Variants in CTNND2 observed in about 807,000 individuals in gnomAD.
CTNND2 encodes the protein catenin delta-2.
CTNND2 carries 22 observed loss-of-function variants against 144.4 expected under a neutral mutation model. That is an observed-to-expected ratio of 0.15 (90% CI 0.11 to 0.22). The LOEUF is 0.22. Among genes scored for constraint, CTNND2 ranks in the 10% least tolerant of loss-of-function variants. The pLI is 1.00. For synonymous variants in CTNND2, 751 were observed against 695.6 expected, an observed-to-expected ratio of 1.08 and a Z score of -1.25; for missense variants, 1,353 against 1,618.8, an observed-to-expected ratio of 0.84 and a Z score of 2.82.
intron 9 of CTNND2, among the ~76,000 whole-genome samples, chr5:11,240,561 CAA>C (rs1742254363): frequency 8.2e-6 from 1 of 121,710 alleles, no homozygotes; most frequent in African/African-American, 3.1e-5. Context: ...CACACACACT[CAA>C]AACACACACC....
chr5:11,373,621 G>A (rs923986105), intron 7 of CTNND2, among the ~76,000 whole-genome samples: 2 of 152,158 alleles, frequency 1.3e-5, no homozygotes, highest in African/African-American at 2.4e-5. Context: ...GAGGGGCCCA[G>A]GGAATGGAAT....
chr5:11,267,886 T>C (rs1340570361), intron 9 of CTNND2, among the ~76,000 whole-genome samples: 1 of 152,174 alleles, frequency 6.6e-6, no homozygotes, highest in Non-Finnish European at 1.5e-5. Flanking sequence ...GAAGTCATAG[T>C]ATGATGCACA....
At chr5:11,439,586 G>A (rs1256108252) in intron 3 of CTNND2, among the ~76,000 whole-genome samples, 2 of 152,058 alleles carry the variant, frequency 1.3e-5, no homozygotes, top group African/African-American at 4.8e-5. Context: ...AGGCTGGAGT[G>A]CACTGGCACA....
chr5:11,552,926 C>T (rs556196792), intron 3 of CTNND2, among the ~76,000 whole-genome samples: 2 of 152,280 alleles, frequency 1.3e-5, no homozygotes, highest in South Asian at 2.1e-4. Flanking sequence ...AGCTTTTGGA[C>T]TCTCAGCATC....
intron 2 of CTNND2, among the ~76,000 whole-genome samples, chr5:11,714,246 G>A (rs1234778841): frequency 6.6e-6 from 1 of 152,150 alleles, no homozygotes; most frequent in Non-Finnish European, 1.5e-5. Context: ...CGGCCTTCCA[G>A]ACAGAAAAAC....
intron 2 of CTNND2, among the ~76,000 whole-genome samples, chr5:11,674,684 G>A (rs946729571): frequency 2.0e-5 from 3 of 151,550 alleles, no homozygotes; most frequent in African/African-American, 7.3e-5. Context: ...GAGTCAAAAG[G>A]TAAATGCATA....
intron 16 of CTNND2, among the ~76,000 whole-genome samples, chr5:11,059,749 C>G (rs909655045): frequency 5.9e-5 from 9 of 151,860 alleles, no homozygotes; most frequent in African/African-American, 1.9e-4. Context: ...GCATACAGAG[C>G]TACATATAAG....
intron 11 of CTNND2, among the ~76,000 whole-genome samples, chr5:11,169,756 G>A (rs966979874): frequency 3.9e-5 from 6 of 152,098 alleles, no homozygotes; most frequent in Admixed American, 6.5e-5. Context: ...ATTCGTGGAC[G>A]CTTGCTTATC....
chr5:11,623,061 C>A (rs114038471), intron 2 of CTNND2, among the ~76,000 whole-genome samples: 4 of 152,130 alleles, frequency 2.6e-5, no homozygotes, highest in South Asian at 2.1e-4. Flanking sequence ...AACTTAACTA[C>A]GCTGTTGGTC....
At position 11,575,872 on chromosome 5, in the gene CTNND2, A is replaced by G. The variant is rs2150122622; in HGVS notation, c.175-10816T>C. 2.0e-5 allele frequency among the ~76,000 whole-genome samples: 3 copies of G among 152,158 alleles called. No homozygotes were observed. The Middle Eastern group carries it at 0.01, about 518-fold the overall frequency. On this transcript the variant is annotated intron_variant, in intron 2 of 21. Coordinates refer to ENST00000304623, the MANE Select transcript of CTNND2 (RefSeq NM_001332.4). Reference sequence around the variant, plus strand: ...CCTTGTGATTCTTATACTTTCTCTGAACAAGCTCATCCATTCCGAAAGCCT... The same window carrying G: ...CCTTGTGATTCTTATACTTTCTCTGGACAAGCTCATCCATTCCGAAAGCCT...
At chr5:11,022,028 C>T (rs902070960) in intron 17 of CTNND2, among the ~76,000 whole-genome samples, 1 of 152,110 alleles carries the variant, frequency 6.6e-6, no homozygotes, top group African/African-American at 2.4e-5. Context: ...TAGTAAGATA[C>T]TGTTGGTTCT....
In CTNND2 at chr5:11,670,473, T is replaced by C. The variant is rs149310590; in HGVS notation, c.174+61663A>G. On this transcript the variant is annotated intron_variant, in intron 2 of 21. Transcript: ENST00000304623. ...ATATATTTAGGATAGTTAGCTCTTCTTGTTGCATTGATCCCTTTATCATTA... is the reference window on the plus strand; with the variant it reads ...ATATATTTAGGATAGTTAGCTCTTCCTGTTGCATTGATCCCTTTATCATTA... Among the ~76,000 whole-genome samples the C allele has an allele frequency of 8.4e-3, 1,285 of 152,356 alleles. 66 individuals are homozygous for C. Among genetic ancestry groups the C allele is most frequent in the Admixed American group, 0.074 (1,135 of 15,292 alleles).
At chr5:11,062,183 C>T (rs6876365) in intron 16 of CTNND2, among the ~76,000 whole-genome samples, 4,600 of 152,288 alleles carry the variant, frequency 0.03, 118 homozygotes, top group East Asian at 0.068. Flanking sequence ...GATAAAATTA[C>T]ACTAAACCCT....
intron 12 of CTNND2, among the ~76,000 whole-genome samples, chr5:11,122,048 T>G (rs560469985): frequency 7.2e-5 from 11 of 152,320 alleles, no homozygotes; most frequent in Admixed American, 7.2e-4. Context: ...TGACACATAG[T>G]TGGCTCTTAT....
chr5:11,122,078 T>A (rs961948393), intron 12 of CTNND2, among the ~76,000 whole-genome samples: 1 of 152,140 alleles, frequency 6.6e-6, no homozygotes, highest in African/African-American at 2.4e-5. Flanking sequence ...AGCCCTTCCA[T>A]CGGATTGGAA....
intron 5 of CTNND2, 60 bp from the exon 6 acceptor site, chr5:11,397,263 TATTA>T: frequency 6.9e-7 from 1 of 1,457,674 alleles, no homozygotes; most frequent in Non-Finnish European, 9.5e-7. Flanking sequence ...AAATGACATG[TATTA>T]TTTATTGAGA....
chr5:11,711,000 T>C (rs867085825), intron 2 of CTNND2, among the ~76,000 whole-genome samples: 1 of 152,228 alleles, frequency 6.6e-6, no homozygotes, highest in African/African-American at 2.4e-5. Flanking sequence ...AGTGTGTTCT[T>C]ATTGACTCTA....
chr5:11,704,189 A>C (rs1189614313), intron 2 of CTNND2, among the ~76,000 whole-genome samples: 1 of 152,222 alleles, frequency 6.6e-6, no homozygotes, highest in Non-Finnish European at 1.5e-5. Flanking sequence ...CATCCCATCA[A>C]TCTTGTTCCG....
intron 9 of CTNND2, among the ~76,000 whole-genome samples, chr5:11,239,211 G>C (rs1017615617): frequency 1.3e-5 from 2 of 152,262 alleles, no homozygotes. Flanking sequence ...TATGCCAAGT[G>C]CACCTTTTGA....
Sources: gnomAD v4.1 joint callset for allele counts (sites outside exome capture counted in the v4.1 genomes callset) on GRCh38, gnomAD v4.1.1 for gene constraint, MANE v1.5 for transcripts, NCBI Gene and HGNC (gene_info 2026-07-23, HGNC 2026-07-21) for gene names.